PCDHA9: variants seen among roughly 807,000 people sequenced by gnomAD.
PCDHA9 encodes the protein protocadherin alpha 9, also known as protocadherin alpha-9.
In PCDHA9, 62 loss-of-function variants were observed where a neutral mutation model predicts 62.0. The ratio of observed to expected loss-of-function variants is 1.00; its 90% CI spans 0.81 to 1.23. The LOEUF (loss-of-function observed/expected upper bound fraction) is 1.23, where lower values mean the gene tolerates loss of function less well. PCDHA9 is among the 50% of genes most tolerant of loss of function. The pLI, the probability that PCDHA9 is intolerant of heterozygous loss-of-function variation, is 0.00. For synonymous variants in PCDHA9, 557 were observed against 567.6 expected (o/e 0.98, Z 0.27); for missense variants, 1,205 against 1,249.8 (o/e 0.96, Z 0.54).
intron 1 of PCDHA9, chr5:140,875,355 T>A: frequency 6.9e-7 from 1 of 1,446,356 alleles, no homozygotes; most frequent in African/African-American, 1.4e-5. Context: ...ATGACTGTGA[T>A]GCTGGAAAAA....
chr5:141,000,395 C>CTCTATAAATA (rs1213762225), intron 3 of PCDHA9, among the ~76,000 whole-genome samples: 2 of 53,986 alleles, frequency 3.7e-5, no homozygotes, highest in African/African-American at 1.5e-4. Flanking sequence ...CTCTCTCTCT[C>CTCTATAAATA]TATATATATA....
In PCDHA9 at chr5:140,853,642, T is replaced by C. The variant is rs112112795; in HGVS notation, c.2394+2753T>C. 87 of 988,768 alleles carry C rather than the reference T, an allele frequency of 8.8e-5. 2 individuals carry two copies. Among genetic ancestry groups the C allele is most frequent in the Middle Eastern group, 1.1e-3 (2 of 1,882 alleles). 61.2% of individuals were successfully genotyped at this position (988,768 alleles called of 1,614,324 possible). A position where few individuals can be genotyped will look rare whatever the true frequency, so the allele number is the denominator to read the frequency against. ...AAGTATACAAGATCACAGACCTAAA[T>C]TGAGCCTGTTCCAGACAAATTGGGG... On this transcript the variant is annotated intron_variant, in intron 1 of 3. Coordinates refer to ENST00000532602, the MANE Select transcript of PCDHA9 (RefSeq NM_031857.2).
At chr5:140,875,304 A>AC in intron 1 of PCDHA9, 4 of 1,416,396 alleles carry the variant, frequency 2.8e-6, no homozygotes, top group Non-Finnish European at 3.7e-6. Flanking sequence ...TTTTCTCCGC[A>AC]CCCACATTCC....
intron 1 of PCDHA9, among the ~76,000 whole-genome samples, chr5:140,955,549 C>T (rs1216178805): frequency 6.6e-6 from 1 of 152,140 alleles, no homozygotes; most frequent in Non-Finnish European, 1.5e-5. Context: ...TTCTTGAGGC[C>T]TCCCCAGCCA....
chr5:140,887,835 C>A (rs2061600577), intron 1 of PCDHA9, among the ~76,000 whole-genome samples: 1 of 152,106 alleles, frequency 6.6e-6, no homozygotes, highest in Admixed American at 6.6e-5. Context: ...TTTTGAATAT[C>A]TTTTATTGAC....
At chr5:140,877,311 G>A (rs200978234) in intron 1 of PCDHA9, 2 of 1,613,852 alleles carry the variant, frequency 1.2e-6, no homozygotes, top group Admixed American at 3.3e-5. Flanking sequence ...AGTTGCAACC[G>A]GCGGCGGTCG....
intron 1 of PCDHA9, chr5:140,928,025 G>T: frequency 6.2e-7 from 1 of 1,614,148 alleles, no homozygotes; most frequent in South Asian, 1.1e-5. Flanking sequence ...GTCATTTGTG[G>T]CATGTCTAGT....
intron 1 of PCDHA9, among the ~76,000 whole-genome samples, chr5:140,855,354 G>T (rs1250277544): frequency 6.7e-6 from 1 of 149,904 alleles, no homozygotes; most frequent in Non-Finnish European, 1.5e-5. Context: ...AAGTCATGTG[G>T]CTAGTGAGTA....
intron 1 of PCDHA9, among the ~76,000 whole-genome samples, chr5:140,941,249 TTCTTTC>T (rs1367740560): frequency 3.0e-4 from 42 of 138,342 alleles, no homozygotes; most frequent in South Asian, 7.1e-4. Context: ...CTTTCTTTCT[TTCTTTC>T]TCTTTCTTTC....
intron 3 of PCDHA9, among the ~76,000 whole-genome samples, chr5:140,997,668 T>G (rs2097778117): frequency 6.7e-6 from 1 of 148,344 alleles, no homozygotes; most frequent in African/African-American, 2.5e-5. Flanking sequence ...ATTATACAGC[T>G]TGTGTGTGTG....
At chr5:140,968,808 TGGATAGGG>T (rs782488281) in intron 1 of PCDHA9, 2 of 1,614,204 alleles carry the variant, frequency 1.2e-6, no homozygotes, top group Non-Finnish European at 1.7e-6. Context: ...GTAGCTGTGG[TGGATAGGG>T]TTTCCAAAAT....
At chr5:140,850,951 T>C in intron 1 of PCDHA9, 62 bp downstream of exon 1, 1 of 1,500,264 alleles carries the variant, frequency 6.7e-7, no homozygotes. Flanking sequence ...TATTATCGAT[T>C]ACTCCCAGGG....
At chr5:140,967,113 G>T in intron 1 of PCDHA9, 1 of 1,612,880 alleles carries the variant, frequency 6.2e-7, no homozygotes, top group Non-Finnish European at 8.5e-7. Flanking sequence ...CAGCGGCCTC[G>T]CTGCCTGCTC....
intron 1 of PCDHA9, among the ~76,000 whole-genome samples, chr5:140,881,694 G>C (rs1375930995): frequency 6.6e-6 from 1 of 152,126 alleles, no homozygotes; most frequent in Non-Finnish European, 1.5e-5. Flanking sequence ...TCCTTTTGGA[G>C]TCAATGGCTG....
chr5:140,991,719 A>T (rs1451245400), intron 3 of PCDHA9, among the ~76,000 whole-genome samples: 1 of 152,194 alleles, frequency 6.6e-6, no homozygotes, highest in African/African-American at 2.4e-5. Flanking sequence ...TGCTACTAGC[A>T]GCCTGTTCAA....
chr5:140,968,813 A>T, intron 1 of PCDHA9: 2 of 1,614,194 alleles, frequency 1.2e-6, no homozygotes, highest in Non-Finnish European at 1.7e-6. Context: ...TGTGGTGGAT[A>T]GGGTTTCCAA....
intron 1 of PCDHA9, among the ~76,000 whole-genome samples, chr5:140,957,371 T>G (rs1465346844): frequency 3.3e-5 from 5 of 152,206 alleles, no homozygotes; most frequent in Non-Finnish European, 7.4e-5. Context: ...AAACTTTTAT[T>G]ATAGTGTATT....
Position 140,866,315 on chromosome 5 carries a change from A to C in PCDHA9, c.2394+15426A>C, listed in dbSNP as rs529442584. On this transcript the variant is annotated intron_variant, in intron 1 of 3. Transcript: ENST00000532602. ...GTATAGATGTTGATATTATTATTTC[A>C]GGGACCCTGAACTTGGCCAAAGGAT... The C allele has an allele frequency of 2.6e-5, 4 of 152,278 alleles. No individual in the cohort carries two copies. The East Asian group carries it at 7.7e-4, about 29-fold the overall frequency. 9.4% of individuals were successfully genotyped at this position (152,278 alleles called of 1,614,324 possible).
At chr5:140,899,713 T>G (rs1336302647) in intron 1 of PCDHA9, among the ~76,000 whole-genome samples, 1 of 152,210 alleles carries the variant, frequency 6.6e-6, no homozygotes, top group Non-Finnish European at 1.5e-5. Context: ...TTAGGGAGGA[T>G]TCCCTCTTTT....
Sources: gnomAD v4.1 joint callset for allele counts (sites outside exome capture counted in the v4.1 genomes callset) on GRCh38, gnomAD v4.1.1 for gene constraint, MANE v1.5 for transcripts, NCBI Gene and HGNC (gene_info 2026-07-23, HGNC 2026-07-21) for gene names.